The following CARD8 variants were observed in gnomAD, a reference collection of about 807,000 sequenced individuals.
CARD8 encodes the protein caspase recruitment domain-containing protein 8.
CARD8 carries 38 observed loss-of-function variants against 53.2 expected under a neutral mutation model. The ratio of observed to expected loss-of-function variants is 0.71; its 90% CI spans 0.55 to 0.94. The LOEUF (loss-of-function observed/expected upper bound fraction) is 0.94. Among genes scored for constraint, CARD8 ranks in the 40% least tolerant of loss-of-function variants. CARD8 has a pLI of 0.00. For synonymous variants in CARD8, 245 were observed against 244.9 expected (o/e 1.00, Z 0.00); for missense variants, 561 against 655.5 (o/e 0.86, Z 1.57).
intron 3 of CARD8, 144 bp from the exon 4 acceptor site, chr19:48,241,207 T>C: frequency 1.7e-6 from 1 of 593,230 alleles, no homozygotes; most frequent in Non-Finnish European, 3.0e-6. Context: ...CTAGTAGTGG[T>C]AGGTACTTGG....
chr19:48,214,718 C>T (rs1002919019), intron 13 of CARD8, among the ~76,000 whole-genome samples: 2 of 150,180 alleles, frequency 1.3e-5, no homozygotes, highest in African/African-American at 2.5e-5. Context: ...GTCACCCCCT[C>T]GGCCGTCTTC....
intron 3 of CARD8, among the ~76,000 whole-genome samples, chr19:48,245,795 T>C (rs1342325259): frequency 6.7e-6 from 1 of 148,550 alleles, no homozygotes; most frequent in Non-Finnish European, 1.5e-5. Context: ...ACTAATTTAT[T>C]GTATTGTATA....
chr19:48,204,014 A>T, downstream of CARD8: 1 of 371,236 alleles, frequency 2.7e-6, no homozygotes, highest in Non-Finnish European at 5.4e-6. Flanking sequence ...GAGCATGTGC[A>T]GGCTGCGGGG....
At position 48,219,027 on chromosome 19, in the gene CARD8, T is replaced by G. The variant is rs374032211; in HGVS notation, c.1162-15A>C. ...AATTTCAACTCCTAGAGGAAACACA[T>G]CAGTTGACTTGAAGCAGTGGAGGGT... On this transcript the variant is annotated splice_polypyrimidine_tract_variant and intron_variant, in intron 11 of 13. Transcript: ENST00000651546. 5 of 1,613,584 alleles carry G rather than the reference T, an allele frequency of 3.1e-6. No individual in the cohort carries two copies. The highest frequency in any genetic ancestry group is 4.2e-6 in the Non-Finnish European group (5 of 1,179,738).
At chr19:48,206,330 G>A, downstream of CARD8, 2 of 410,868 alleles carry the variant, frequency 4.9e-6, no homozygotes, top group Non-Finnish European at 9.9e-6. Context: ...ACATGTGGGT[G>A]CATTACATTA....
At chr19:48,245,684 T>A (rs941798119) in intron 3 of CARD8, among the ~76,000 whole-genome samples, 1 of 151,220 alleles carries the variant, frequency 6.6e-6, no homozygotes, top group South Asian at 2.1e-4. Context: ...ATTTTAAACA[T>A]TGAAAAATAG....
In CARD8 at chr19:48,211,375, C is replaced by G. The variant is rs1167621278; in HGVS notation, c.*335G>C. 1 of 201,458 alleles carries G rather than the reference C, an allele frequency of 5.0e-6. No homozygotes were observed. Among genetic ancestry groups the G allele is most frequent in the East Asian group, 1.2e-4 (1 of 8,012 alleles). 12.5% of individuals were successfully genotyped at this position (201,458 alleles called of 1,614,324 possible). A position where few individuals can be genotyped will look rare whatever the true frequency, so the allele number is the denominator to read the frequency against. Reference sequence around the variant, plus strand: ...ACATTAATCAGGAAAAGTTGCCTTTCCAGGCCCCATCCTTCATAAACACAC... The same window carrying G: ...ACATTAATCAGGAAAAGTTGCCTTTGCAGGCCCCATCCTTCATAAACACAC... On this transcript the variant is annotated 3_prime_UTR_variant, in exon 14 of 14. Coordinates refer to ENST00000651546, the MANE Select transcript of CARD8 (RefSeq NM_001184900.3).
intron 3 of CARD8, 56 bp downstream of exon 3, chr19:48,249,467 G>A (rs1296616421): frequency 1.3e-5 from 2 of 151,998 alleles, no homozygotes; most frequent in Non-Finnish European, 2.9e-5. Context: ...TAAATAATGG[G>A]CAAGGATATT....
chr19:48,235,899 TA>T (rs904425910), intron 5 of CARD8, among the ~76,000 whole-genome samples: 302 of 142,778 alleles, frequency 2.1e-3, no homozygotes, highest in Admixed American at 2.8e-3. Context: ...AACTTTTGTC[TA>T]AAAAAAAAAA....
intron 11 of CARD8, among the ~76,000 whole-genome samples, chr19:48,220,574 A>G (rs1286252146): frequency 6.6e-6 from 1 of 152,174 alleles, no homozygotes. Flanking sequence ...TGTGCTGGAC[A>G]ACCTCATCTT....
At chr19:48,204,623 A>C (rs1207581100), downstream of CARD8, among the ~76,000 whole-genome samples, 1 of 152,152 alleles carries the variant, frequency 6.6e-6, no homozygotes, top group Non-Finnish European at 1.5e-5. Context: ...AGTACTGGTA[A>C]ACAGGACAGA....
At position 48,230,956 on chromosome 19, in the gene CARD8, C is replaced by A. The variant is rs1307937112; in HGVS notation, c.593G>T (p.Gly198Val). 1 of 1,614,176 alleles carries A rather than the reference C, an allele frequency of 6.2e-7. No individual in the cohort carries two copies. Among genetic ancestry groups the A allele is most frequent in the Non-Finnish European group, 8.5e-7 (1 of 1,180,038 alleles). Residue 198 changes from glycine (G) to valine (V), a missense_variant, in exon 9 of 14, where the codon GGC becomes GTC. Physicochemically the swap from Gly to Val is moderately radical, Grantham distance 109 (BLOSUM62 -3). Coordinates refer to ENST00000651546, the MANE Select transcript of CARD8 (RefSeq NM_001184900.3). ...GWYLWSATGL[G>V]FLVRDEVTVT... ...TGTGACCTCATCCCTTACCAGGAAG[C>A]CGAGGCCTGTGGCTGACCACAGATA... is the stretch of plus-strand genomic sequence containing the variant.
intron 1 of CARD8, among the ~76,000 whole-genome samples, chr19:48,250,579 A>T (rs1434402541): frequency 1.3e-5 from 2 of 152,146 alleles, no homozygotes; most frequent in Non-Finnish European, 2.9e-5. Flanking sequence ...AGCATTATTG[A>T]TCAATCATTC....
At chr19:48,225,864 C>T (rs548244594) in intron 10 of CARD8, among the ~76,000 whole-genome samples, 11 of 152,154 alleles carry the variant, frequency 7.2e-5, no homozygotes, top group African/African-American at 2.4e-4. Context: ...ACCAGCCTGA[C>T]CAATATGGTG....
At chr19:48,223,695 TTCTGTAGG>T (rs2041153455) in intron 10 of CARD8, 9 of 359,822 alleles carry the variant, frequency 2.5e-5, no homozygotes, top group South Asian at 1.7e-4. Context: ...ACGGACAGAT[TTCTGTAGG>T]TGTTGAGAGA....
Position 48,222,057 on chromosome 19 carries a change from C to T in CARD8, c.1036-202G>A, listed in dbSNP as rs147714341. The stretch of plus-strand genomic sequence containing the variant: ...GAATATGTCTCTATGCACAAAGAGA[C>T]ATATTGATGAAATTTTACTGAAAGA... On this transcript the variant is annotated intron_variant, in intron 10 of 13. Transcript: ENST00000651546. 2.6e-4 allele frequency among the ~76,000 whole-genome samples: 40 copies of T among 152,226 alleles called. No individual in the cohort carries two copies. The East Asian group carries it at 7.3e-3, about 28-fold the overall frequency.
At chr19:48,227,026 T>C (rs1165826273) in intron 10 of CARD8, among the ~76,000 whole-genome samples, 1 of 150,874 alleles carries the variant, frequency 6.6e-6, no homozygotes, top group Non-Finnish European at 1.5e-5. Context: ...GAGGCAGAGG[T>C]TGCAGTGAGC....
In CARD8 at chr19:48,231,772, A is replaced by G; in HGVS notation, c.430T>C (p.Tyr144His). ...CSEENQIVSSYASKVCFEIEE... is the reference protein window; with the variant it reads ...CSEENQIVSSHASKVCFEIEE... ...ATCTCAAAACAGACTTTAGAAGCAT[A>G]AGAGGAAACTATTTGATTCTCTTCT... Residue 144 changes from tyrosine (Y) to histidine (H), a missense_variant, in exon 8 of 14, where the codon TAT becomes CAT. Coordinates refer to ENST00000651546, the MANE Select transcript of CARD8 (RefSeq NM_001184900.3). 6.2e-7 allele frequency: 1 copy of G among 1,614,018 alleles called. No individual in the cohort carries two copies. Among genetic ancestry groups the G allele is most frequent in the Non-Finnish European group, 8.5e-7 (1 of 1,179,898 alleles).
intron 10 of CARD8, chr19:48,223,969 A>T (rs952575214): frequency 1.3e-5 from 6 of 446,324 alleles, no homozygotes; most frequent in South Asian, 9.5e-5. Context: ...CCCCAAATGC[A>T]ATTTTTTTTT....
Sources: allele counts gnomAD v4.1 joint callset (sites outside exome capture counted in the v4.1 genomes callset), GRCh38; gene constraint gnomAD v4.1.1; transcripts MANE v1.5; gene names NCBI Gene and HGNC (gene_info 2026-07-23, HGNC 2026-07-21).